SKIL: variants seen among roughly 807,000 people sequenced by gnomAD.
The protein encoded by SKIL is SKI like proto-oncogene, also known as ski-like protein.
A neutral mutation model predicts 69.6 loss-of-function variants in SKIL; 20 were observed. That is an observed-to-expected ratio of 0.29 (90% confidence interval 0.20 to 0.42). SKIL has a LOEUF of 0.42. SKIL is among the 10% of genes least tolerant of loss of function. SKIL has a pLI of 1.00. For synonymous variants in SKIL, 310 were observed against 279.9 expected (o/e 1.11, Z -1.08); for missense variants, 745 against 783.1 (o/e 0.95, Z 0.58).
intron 2 of SKIL, among the ~76,000 whole-genome samples, chr3:170,369,304 AG>A (rs1736685076): frequency 6.6e-6 from 1 of 152,228 alleles, no homozygotes; most frequent in Non-Finnish European, 1.5e-5. Flanking sequence ...GTGTTTTCAG[AG>A]TAGGCCTGGA....
intron 4 of SKIL, among the ~76,000 whole-genome samples, chr3:170,386,421 C>T (rs1331010952): frequency 4.6e-5 from 7 of 152,122 alleles, no homozygotes; most frequent in African/African-American, 9.7e-5. Context: ...TGAGCCATCG[C>T]GCCCGGCCAG....
rs1381416468 is a variant in SKIL at position 170,387,774 on chromosome 3, AT to A, written c.1430-2448del. ...CCGTCTCTACTAAAAAAAAAAAAAA[AT>A]ACAAAAAAATTAGCCGGGCGTAGTG... On this transcript the variant is annotated intron_variant, in intron 4 of 6. Coordinates refer to ENST00000259119, the MANE Select transcript of SKIL (RefSeq NM_005414.5). Among the ~76,000 whole-genome samples the A allele has an allele frequency of 1.5e-4, 18 of 123,562 alleles. 2 individuals are homozygous for A. In the South Asian group the frequency reaches 2.4e-3, roughly 16 times the overall value. The allele number at this position is 123,562 out of a possible 152,430, so 81.1% of individuals were successfully genotyped here.
chr3:170,389,195 G>T (rs1737790646), intron 4 of SKIL, among the ~76,000 whole-genome samples: 1 of 151,796 alleles, frequency 6.6e-6, no homozygotes, highest in Non-Finnish European at 1.5e-5. Flanking sequence ...TTTAAGGGTT[G>T]TAGCTCTTAC....
chr3:170,363,894 A>G (rs758527311), intron 2 of SKIL, among the ~76,000 whole-genome samples: 1 of 152,198 alleles, frequency 6.6e-6, no homozygotes, highest in African/African-American at 2.4e-5. Flanking sequence ...TTATATTTCA[A>G]AATGTGGAAT....
intron 2 of SKIL, among the ~76,000 whole-genome samples, chr3:170,369,473 C>T (rs1054861441): frequency 1.3e-5 from 2 of 152,078 alleles, no homozygotes; most frequent in Admixed American, 6.6e-5. Context: ...GCAATCTCGG[C>T]TCACTGCAAC....
At chr3:170,374,180 TTTAC>T (rs1736919949) in intron 2 of SKIL, among the ~76,000 whole-genome samples, 2 of 152,180 alleles carry the variant, frequency 1.3e-5, no homozygotes, top group Non-Finnish European at 2.9e-5. Context: ...TTTCTTAGTT[TTTAC>T]TTATTTTATA....
At chr3:170,369,997 TG>T (rs1278499996) in intron 2 of SKIL, among the ~76,000 whole-genome samples, 1 of 151,738 alleles carries the variant, frequency 6.6e-6, no homozygotes, top group Non-Finnish European at 1.5e-5. Flanking sequence ...CCAGCACTTT[TG>T]GGAGGCTGAG....
chr3:170,384,438 A>G (rs976573949), intron 3 of SKIL, 95 bp from the exon 4 acceptor site: 1 of 589,468 alleles, frequency 1.7e-6, no homozygotes, highest in Non-Finnish European at 3.0e-6. Context: ...GTTAGAAAAA[A>G]AAAAGTTTAA....
chr3:170,387,222 A>G (rs1190965780), intron 4 of SKIL, among the ~76,000 whole-genome samples: 1 of 151,992 alleles, frequency 6.6e-6, no homozygotes, highest in Non-Finnish European at 1.5e-5. Flanking sequence ...GGTTTTCGCC[A>G]TGTTAGTCAG....
chr3:170,367,744 C>G lies in SKIL; in HGVS notation c.1098+6315C>G, dbSNP rs573055139. Among the ~76,000 whole-genome samples the G allele has an allele frequency of 1.1e-3, 163 of 152,254 alleles. 1 individual carries two copies. The highest frequency in any genetic ancestry group is 3.6e-3 in the African/African-American group (148 of 41,552). On this transcript the variant is annotated intron_variant, in intron 2 of 6. Coordinates refer to ENST00000259119, the MANE Select transcript of SKIL (RefSeq NM_005414.5). ...TCAGTCTCCCAAAGTGCTGGGATTACAGGCGTGAGCCACCGTGCCTGGCTA... is the reference window on the plus strand; with the variant it reads ...TCAGTCTCCCAAAGTGCTGGGATTAGAGGCGTGAGCCACCGTGCCTGGCTA...
intron 4 of SKIL, among the ~76,000 whole-genome samples, chr3:170,385,589 C>T (rs1214372435): frequency 1.3e-5 from 2 of 152,234 alleles, no homozygotes; most frequent in Non-Finnish European, 2.9e-5. Context: ...TAGCTGGTTA[C>T]TTACCGTGCC....
In SKIL at chr3:170,359,684, C is replaced by G. The variant is rs907122304; in HGVS notation, c.-633-15C>G. On this transcript the variant is annotated splice_polypyrimidine_tract_variant and intron_variant, in intron 1 of 6. Transcript: ENST00000259119. Reference sequence around the variant, plus strand: ...CAAATGTAACTCTTCCCCAACCCCCCTTCTCTTCTTCCAGATTAATTAAAA... The same window carrying G: ...CAAATGTAACTCTTCCCCAACCCCCGTTCTCTTCTTCCAGATTAATTAAAA... 1 of 152,106 alleles carries G rather than the reference C, an allele frequency of 6.6e-6. No individual in the cohort carries two copies. Among genetic ancestry groups the G allele is most frequent in the African/African-American group, 2.4e-5 (1 of 41,420 alleles). The allele number at this position is 152,106 out of a possible 1,614,324, so 9.4% of individuals were successfully genotyped here. A position where few individuals can be genotyped will look rare whatever the true frequency, so the allele number is the denominator to read the frequency against.
intron 2 of SKIL, among the ~76,000 whole-genome samples, chr3:170,377,601 T>C: frequency 7.1e-6 from 1 of 140,802 alleles, no homozygotes; most frequent in Non-Finnish European, 1.5e-5. Flanking sequence ...CAGGCTGGAG[T>C]GCAGTGGCAC....
intron 2 of SKIL, among the ~76,000 whole-genome samples, chr3:170,377,515 G>A (rs1380642841): frequency 8.7e-6 from 1 of 115,020 alleles, no homozygotes; most frequent in Non-Finnish European, 1.8e-5. Context: ...GGTCTTATTA[G>A]TATTTCAAAT....
chr3:170,391,256 G>T lies in SKIL; in HGVS notation c.1892G>T (p.Gly631Val). Residue 631 changes from glycine (G) to valine (V), a missense_variant, in exon 6 of 7, where the codon GGA becomes GTA. Coordinates refer to ENST00000259119, the MANE Select transcript of SKIL (RefSeq NM_005414.5). The part of the protein sequence containing the change: ...LEKDKEAEYA[G>V]QLAELRQRLD... ...AAAGACAAAGAGGCTGAATATGCAG[G>T]ACAGGTAAGAATTACTGTTTGTATA... 1.9e-6 allele frequency: 3 copies of T among 1,565,212 alleles called. No individual in the cohort carries two copies. The South Asian group carries it at 3.4e-5, about 18-fold the overall frequency.
intron 4 of SKIL, 126 bp from the exon 5 acceptor site, chr3:170,390,097 C>T: frequency 2.5e-5 from 17 of 673,852 alleles, no homozygotes; most frequent in Non-Finnish European, 3.2e-5. Context: ...AAATTTATTC[C>T]TATTTTATTT....
At chr3:170,361,520 A>G (rs1736231843) in intron 2 of SKIL, 91 bp downstream of exon 2, 20 of 963,372 alleles carry the variant, frequency 2.1e-5, no homozygotes, top group Middle Eastern at 3.5e-4. Flanking sequence ...CTGTATGTTG[A>G]ACATTGCTCA....
At chr3:170,388,203 C>T (rs537987126) in intron 4 of SKIL, among the ~76,000 whole-genome samples, 1 of 152,116 alleles carries the variant, frequency 6.6e-6, no homozygotes, top group South Asian at 2.1e-4. Context: ...ATATAGCCAT[C>T]CTAGTGGTTG....
intron 2 of SKIL, among the ~76,000 whole-genome samples, chr3:170,370,063 C>A (rs1736725160): frequency 6.6e-6 from 1 of 151,842 alleles, no homozygotes; most frequent in African/African-American, 2.4e-5. Context: ...CATGGTGAAA[C>A]CCCGTCTCTA....
Sources: allele counts gnomAD v4.1 joint callset (sites outside exome capture counted in the v4.1 genomes callset), GRCh38; gene constraint gnomAD v4.1.1; transcripts MANE v1.5; gene names NCBI Gene and HGNC (gene_info 2026-07-23, HGNC 2026-07-21).